The following SPRR2B variants were observed in gnomAD, a reference collection of about 807,000 sequenced individuals.
SPRR2B encodes the protein small proline rich protein 2B.
A neutral mutation model predicts 1.0 loss-of-function variants in SPRR2B; 1 was observed. That is an observed-to-expected ratio of 1.01 (90% confidence interval 0.36 to 4.77). The LOEUF (loss-of-function observed/expected upper bound fraction) is 4.77. SPRR2B is among the 30% of genes most tolerant of loss of function. SPRR2B has a pLI of 0.16. For missense variants in SPRR2B, 53 were observed against 88.7 expected (o/e 0.60, Z 1.62); for synonymous variants, 27 against 33.4 (o/e 0.81, Z 0.66).
upstream of SPRR2B, among the ~76,000 whole-genome samples, chr1:153,075,303 C>G (rs1407636286): frequency 6.6e-6 from 1 of 151,898 alleles, no homozygotes; most frequent in African/African-American, 2.4e-5. Flanking sequence ...CGTCACACCT[C>G]TGCACTCCAG....
the SPRR2B span, among the ~76,000 whole-genome samples, chr1:153,079,313 T>C: frequency 1.3e-5 from 2 of 152,156 alleles, no homozygotes; most frequent in Non-Finnish European, 1.5e-5. Flanking sequence ...ATTCTGTAGG[T>C]TGCCTATTCA....
the SPRR2B span, among the ~76,000 whole-genome samples, chr1:153,080,911 G>A: frequency 2.0e-5 from 3 of 152,102 alleles, no homozygotes; most frequent in Non-Finnish European, 2.9e-5. Context: ...TAATTGAATC[G>A]ATAAACTGTG....
At chr1:153,077,024 A>G in the SPRR2B span, among the ~76,000 whole-genome samples, 3 of 152,228 alleles carry the variant, frequency 2.0e-5, no homozygotes, top group African/African-American at 4.8e-5. Flanking sequence ...ACAAACTCCA[A>G]GTTCGATGAG....
At chr1:153,084,318 T>A in the SPRR2B span, among the ~76,000 whole-genome samples, 3 of 151,816 alleles carry the variant, frequency 2.0e-5, no homozygotes, top group African/African-American at 7.3e-5. Context: ...GCAGTGAGAG[T>A]ACAGTCAGCT....
At chr1:153,073,076 C>T (rs575797343), upstream of SPRR2B, among the ~76,000 whole-genome samples, 18 of 152,314 alleles carry the variant, frequency 1.2e-4, no homozygotes, top group South Asian at 3.7e-3. Flanking sequence ...GCTGAATCAA[C>T]CCAGCATCAC....
chr1:153,079,585 T>C, the SPRR2B span, among the ~76,000 whole-genome samples: 165 of 152,070 alleles, frequency 1.1e-3, 1 homozygote, highest in African/African-American at 3.5e-3. Flanking sequence ...CTACATATGG[T>C]TAGCCAGTTT....
chr1:153,084,722 A>G, the SPRR2B span, among the ~76,000 whole-genome samples: 5 of 152,096 alleles, frequency 3.3e-5, no homozygotes. Context: ...ACACATACAA[A>G]CAAGAATGGA....
At chr1:153,087,003 A>G in the SPRR2B span, among the ~76,000 whole-genome samples, 1 of 152,164 alleles carries the variant, frequency 6.6e-6, no homozygotes, top group Non-Finnish European at 1.5e-5. Flanking sequence ...CAAATTAAGG[A>G]AAAAAATCAA....
the SPRR2B span, among the ~76,000 whole-genome samples, chr1:153,083,719 T>C: frequency 4.6e-5 from 7 of 152,302 alleles, no homozygotes; most frequent in East Asian, 1.4e-3. Flanking sequence ...ACTCCCGCCA[T>C]GGGCCTCTGG....
At chr1:153,074,231 G>A (rs890752706), upstream of SPRR2B, among the ~76,000 whole-genome samples, 2 of 151,514 alleles carry the variant, frequency 1.3e-5, no homozygotes, top group South Asian at 2.1e-4. Context: ...ACAATTTCAC[G>A]GAGATCCATT....
At chr1:153,081,825 C>CT in the SPRR2B span, among the ~76,000 whole-genome samples, 359 of 136,996 alleles carry the variant, frequency 2.6e-3, no homozygotes, top group Middle Eastern at 3.7e-3. Context: ...CTTTTCTTTT[C>CT]TTTTTTTTTT....
At chr1:153,086,050 A>G in the SPRR2B span, among the ~76,000 whole-genome samples, 550 of 152,336 alleles carry the variant, frequency 3.6e-3, 1 homozygote, top group African/African-American at 0.013. Flanking sequence ...TATAGAAAGG[A>G]AAAACAATTA....
At chr1:153,080,882 C>A in the SPRR2B span, among the ~76,000 whole-genome samples, 8 of 152,302 alleles carry the variant, frequency 5.3e-5, no homozygotes, top group East Asian at 1.2e-3. Context: ...TATCTGTGAT[C>A]TACCAACATG....
upstream of SPRR2B, among the ~76,000 whole-genome samples, chr1:153,072,362 A>G (rs1334382493): frequency 1.3e-5 from 2 of 152,192 alleles, no homozygotes; most frequent in Admixed American, 1.3e-4. Flanking sequence ...CTTTTTATTT[A>G]TAGAAATGTA....
chr1:153,073,512 G>C (rs142207295), upstream of SPRR2B, among the ~76,000 whole-genome samples: 115 of 152,246 alleles, frequency 7.6e-4, 3 homozygotes, highest in East Asian at 0.019. Flanking sequence ...AGCGGCAGCA[G>C]CCCTAGTGCC....
In SPRR2B at chr1:153,070,248, A is replaced by G. The variant is rs989726234; in HGVS notation, c.*373T>C. On this transcript the variant is annotated 3_prime_UTR_variant, in exon 2 of 2. Transcript: ENST00000368755. ...ATATATATGCATAGATACTTTATTC[A>G]GGGAGTGAAAGAAAAGTGACAATTG... is the stretch of plus-strand genomic sequence containing the variant. 4.5e-6 allele frequency: 2 copies of G among 445,480 alleles called. No homozygotes were observed. Among genetic ancestry groups the G allele is most frequent in the Non-Finnish European group, 3.9e-6 (1 of 253,950 alleles). 27.6% of individuals were successfully genotyped at this position (445,480 alleles called of 1,614,324 possible). A position where few individuals can be genotyped will look rare whatever the true frequency, so the allele number is the denominator to read the frequency against.
At chr1:153,087,285 GA>G in the SPRR2B span, among the ~76,000 whole-genome samples, 46 of 145,640 alleles carry the variant, frequency 3.2e-4, 1 homozygote, top group African/African-American at 1.1e-3. Context: ...ATCTCAAAAA[GA>G]AAAAAAAAAT....
upstream of SPRR2B, among the ~76,000 whole-genome samples, chr1:153,074,464 T>C (rs1654735763): frequency 6.6e-6 from 1 of 152,234 alleles, no homozygotes; most frequent in Non-Finnish European, 1.5e-5. Flanking sequence ...TATTTCTGAA[T>C]GAAAGGCTAA....
chr1:153,085,556 T>C, the SPRR2B span, among the ~76,000 whole-genome samples: 5 of 152,150 alleles, frequency 3.3e-5, no homozygotes, highest in Admixed American at 3.3e-4. Context: ...TAGTGATACA[T>C]TGGTGTTGCT....
Sources: gnomAD v4.1 joint callset for allele counts (sites outside exome capture counted in the v4.1 genomes callset) on GRCh38, gnomAD v4.1.1 for gene constraint, MANE v1.5 for transcripts, NCBI Gene and HGNC (gene_info 2026-07-23, HGNC 2026-07-21) for gene names.